Variants in STIM1 observed in about 807,000 individuals in gnomAD.
The protein encoded by STIM1 is stromal interaction molecule 1.
A neutral mutation model predicts 74.7 loss-of-function variants in STIM1; 25 were observed. That is an observed-to-expected ratio of 0.33 (90% CI 0.24 to 0.47). The LOEUF is 0.47. STIM1 is among the 20% of genes least tolerant of loss of function. The probability of loss-of-function intolerance (pLI) is 1.00; values close to 1 mark genes in which losing one functional copy is unlikely to be tolerated. For synonymous variants in STIM1, 328 were observed against 348.8 expected, an observed-to-expected ratio of 0.94 and a Z score of 0.66; for missense variants, 728 against 920.8, an observed-to-expected ratio of 0.79 and a Z score of 2.71.
chr11:3,855,605 G>GGCC, upstream of STIM1: 1 of 139,206 alleles, frequency 7.2e-6, no homozygotes, highest in South Asian at 2.5e-4. Context: ...CGCGGGGCGG[G>GGCC]CGCGGAGACG....
chr11:4,038,700 A>G (rs1280272630), intron 3 of STIM1, among the ~76,000 whole-genome samples: 2 of 152,158 alleles, frequency 1.3e-5, no homozygotes, highest in South Asian at 2.1e-4. Flanking sequence ...TTACCCTGAA[A>G]CAGAAGTGTC....
chr11:3,875,165 T>A (rs2091267477), intron 1 of STIM1, among the ~76,000 whole-genome samples: 1 of 152,146 alleles, frequency 6.6e-6, no homozygotes, highest in Non-Finnish European at 1.5e-5. Flanking sequence ...TTTGTTTGGT[T>A]GGTTTTTTGC....
Position 3,941,272 on chromosome 11 carries a change from G to A in STIM1, c.140-26280G>A, listed in dbSNP as rs115819116. ...TATCTACAGTTCGAAGACTTCTGCTGTAGGTAATGAAGATCCATGAAAGTG... is the reference window on the plus strand; with the variant it reads ...TATCTACAGTTCGAAGACTTCTGCTATAGGTAATGAAGATCCATGAAAGTG... On this transcript the variant is annotated intron_variant, in intron 1 of 12. Transcript: ENST00000526596. Among the ~76,000 whole-genome samples the A allele has an allele frequency of 4.6e-3, 705 of 152,268 alleles. 4 individuals are homozygous for A. The highest frequency in any genetic ancestry group is 0.016 in the African/African-American group (671 of 41,526).
intron 1 of STIM1, among the ~76,000 whole-genome samples, chr11:3,895,710 CT>C (rs1213193028): frequency 1.7e-4 from 5 of 29,540 alleles, no homozygotes; most frequent in Non-Finnish European, 2.3e-4. Context: ...TTCTTTCTTT[CT>C]TTCTTTCTTT....
chr11:3,864,041 G>A (rs74050919), intron 1 of STIM1, among the ~76,000 whole-genome samples: 3,178 of 151,352 alleles, frequency 0.021, 108 homozygotes, highest in African/African-American at 0.072. Context: ...GTCTCACTTC[G>A]GCTATACCCA....
intron 1 of STIM1, among the ~76,000 whole-genome samples, chr11:3,858,334 A>G (rs549015851): frequency 3.8e-4 from 58 of 151,780 alleles, no homozygotes; most frequent in Non-Finnish European, 7.4e-4. Flanking sequence ...AATTCTTCAC[A>G]CAACATATAT....
chr11:4,053,778 A>T (rs1309551167), intron 3 of STIM1, among the ~76,000 whole-genome samples: 1 of 152,132 alleles, frequency 6.6e-6, no homozygotes, highest in Non-Finnish European at 1.5e-5. Flanking sequence ...AAATAGAAAA[A>T]AAAAAATTTT....
At chr11:3,921,722 A>C (rs2092719986) in intron 1 of STIM1, 1 of 148,524 alleles carries the variant, frequency 6.7e-6, no homozygotes, top group Non-Finnish European at 1.5e-5. Context: ...TGAACATGAT[A>C]GTGTACAACT....
At chr11:3,935,172 C>T (rs1437427009) in intron 1 of STIM1, among the ~76,000 whole-genome samples, 2 of 152,198 alleles carry the variant, frequency 1.3e-5, no homozygotes, top group African/African-American at 4.8e-5. Context: ...GGCTGAGAGC[C>T]TGAAACAAGT....
intron 6 of STIM1, among the ~76,000 whole-genome samples, chr11:4,073,568 TGGCACTTAGTA>T (rs2094419007): frequency 6.6e-6 from 1 of 152,198 alleles, no homozygotes; most frequent in African/African-American, 2.4e-5. Context: ...GCACAGGGCT[TGGCACTTAGTA>T]GGCACTTGAA....
intron 2 of STIM1, among the ~76,000 whole-genome samples, chr11:4,008,447 CA>C (rs2093804238): frequency 6.6e-6 from 1 of 152,046 alleles, no homozygotes; most frequent in African/African-American, 2.4e-5. Flanking sequence ...TTTCTGGTCA[CA>C]AAAACATCAC....
intron 2 of STIM1, chr11:3,989,170 GCTTC>G: frequency 8.8e-7 from 1 of 1,139,620 alleles, no homozygotes; most frequent in Non-Finnish European, 1.3e-6. Context: ...TTCAGACTTG[GCTTC>G]CTTCTCTCCT....
intron 2 of STIM1, among the ~76,000 whole-genome samples, chr11:3,994,941 T>G (rs556485863): frequency 2.2e-4 from 33 of 152,316 alleles, no homozygotes; most frequent in East Asian, 1.5e-3. Context: ...CCTGTCCTAA[T>G]TTTCCACTTC....
At chr11:4,065,708 C>T (rs970890475) in intron 5 of STIM1, among the ~76,000 whole-genome samples, 1 of 152,064 alleles carries the variant, frequency 6.6e-6, no homozygotes, top group Non-Finnish European at 1.5e-5. Flanking sequence ...GGGAGAAATG[C>T]TATCTATGGA....
chr11:3,946,737 G>C (rs2093079298), intron 1 of STIM1, among the ~76,000 whole-genome samples: 1 of 151,940 alleles, frequency 6.6e-6, no homozygotes, highest in South Asian at 2.1e-4. Context: ...TTTTTCCAGG[G>C]CCAAAACACT....
chr11:3,943,172 G>A (rs1318126750), intron 1 of STIM1, among the ~76,000 whole-genome samples: 1 of 152,134 alleles, frequency 6.6e-6, no homozygotes. Flanking sequence ...GCCAAGCTCT[G>A]AGGGCATCTT....
chr11:4,067,315 C>T (rs1005432559), intron 5 of STIM1, among the ~76,000 whole-genome samples: 4 of 152,196 alleles, frequency 2.6e-5, no homozygotes, highest in Non-Finnish European at 4.4e-5. Flanking sequence ...TTTCTCTACA[C>T]GGACCCTTGT....
intron 1 of STIM1, among the ~76,000 whole-genome samples, chr11:3,890,027 C>T (rs2091848085): frequency 6.6e-6 from 1 of 152,170 alleles, no homozygotes; most frequent in African/African-American, 2.4e-5. Context: ...TGTAGCTCCT[C>T]ATTGGGATCT....
intron 1 of STIM1, among the ~76,000 whole-genome samples, chr11:3,891,237 G>C (rs1423195065): frequency 6.6e-6 from 1 of 151,748 alleles, no homozygotes; most frequent in East Asian, 1.9e-4. Context: ...GAAATTTCAT[G>C]TTCTAATTCC....
Sources: allele counts gnomAD v4.1 joint callset (sites outside exome capture counted in the v4.1 genomes callset), GRCh38; gene constraint gnomAD v4.1.1; transcripts MANE v1.5; gene names NCBI Gene and HGNC (gene_info 2026-07-23, HGNC 2026-07-21).